The following CSNK1E variants were observed in gnomAD, a reference collection of about 807,000 sequenced individuals.
CSNK1E encodes casein kinase 1 epsilon.
In CSNK1E, 17 loss-of-function variants were observed where a neutral mutation model predicts 46.1. The ratio of observed to expected loss-of-function variants is 0.37; its 90% CI spans 0.25 to 0.55. The LOEUF (loss-of-function observed/expected upper bound fraction) is 0.55, where lower values mean the gene tolerates loss of function less well. Among genes scored for constraint, CSNK1E ranks in the 20% least tolerant of loss-of-function variants. The pLI, the probability that CSNK1E is intolerant of heterozygous loss-of-function variation, is 0.82. For synonymous variants in CSNK1E, 241 were observed against 242.6 expected (o/e 0.99, Z 0.06); for missense variants, 386 against 595.4 (o/e 0.65, Z 3.66).
In CSNK1E at chr22:38,300,875, C is replaced by T; in HGVS notation, c.414G>A (p.Leu138=). The T allele has an allele frequency of 6.2e-7, 1 of 1,614,220 alleles. No individual in the cohort carries two copies. The highest frequency in any genetic ancestry group is 8.5e-7 in the Non-Finnish European group (1 of 1,180,036). ...TGTAGACCAGGTTGCCCTTCTTCCC[C>T]AGCCCCATGAGGAAGTTGTCGGGCT... ...DVKPDNFLMG[L]GKKGNLVYII... The change falls in exon 5 of 11, where the codon CTG becomes CTA. Residue 138 remains leucine, a synonymous_variant. Coordinates refer to ENST00000396832, the MANE Select transcript of CSNK1E (RefSeq NM_152221.3). The surrounding 1 kb of genome is among the most constrained non-coding windows in gnomAD (Gnocchi z 4.4).
intron 2 of CSNK1E, among the ~76,000 whole-genome samples, chr22:38,310,970 G>GCC (rs1167056335): frequency 6.6e-6 from 1 of 152,216 alleles, no homozygotes; most frequent in Non-Finnish European, 1.5e-5. Flanking sequence ...CAAGACAGGG[G>GCC]CCCAGGAGGG....
chr22:38,306,461 G>A (rs192401881), intron 2 of CSNK1E, among the ~76,000 whole-genome samples: 3 of 152,260 alleles, frequency 2.0e-5, no homozygotes, highest in African/African-American at 4.8e-5. Context: ...GGCCGGGCGC[G>A]GTGGCTCACG....
At chr22:38,296,968 T>C in intron 7 of CSNK1E, 2 of 618,086 alleles carry the variant, frequency 3.2e-6, no homozygotes, top group South Asian at 3.8e-5. Flanking sequence ...AGAAATGGGT[T>C]TCACCATGTT....
chr22:38,302,162 G>A (rs2145837778), intron 4 of CSNK1E, among the ~76,000 whole-genome samples: 1 of 152,104 alleles, frequency 6.6e-6, no homozygotes, highest in East Asian at 1.9e-4. Flanking sequence ...TCACTGGTCT[G>A]GAACAGGACC....
rs2092663215 is a variant in CSNK1E at position 38,300,116 on chromosome 22, C to T, written c.566-51G>A. 1 of 1,564,464 alleles carries T rather than the reference C, an allele frequency of 6.4e-7. No individual in the cohort carries two copies. On this transcript the variant is annotated intron_variant, in intron 5 of 10. Transcript: ENST00000396832. This position sits in a 1 kb window ranked among gnomAD's most constrained non-coding sequence, Gnocchi z 4.4. Reference sequence around the variant, plus strand: ...GAGGGACAGGGGTCCACTCAGGCCCCTAACTCATCCTCTGGGTCATGCTCC... The same window carrying T: ...GAGGGACAGGGGTCCACTCAGGCCCTTAACTCATCCTCTGGGTCATGCTCC...
rs887352812 is a variant in CSNK1E at position 38,291,178 on chromosome 22, G to C, written c.*793C>G. The C allele has an allele frequency of 3.3e-5, 5 of 152,286 alleles. No homozygotes were observed. Among genetic ancestry groups the C allele is most frequent in the African/African-American group, 9.6e-5 (4 of 41,470 alleles). 9.4% of individuals were successfully genotyped at this position (152,286 alleles called of 1,614,324 possible). A position where few individuals can be genotyped will look rare whatever the true frequency, so the allele number is the denominator to read the frequency against. ...TGCCACCGGCTGATGACGGGCTAGG[G>C]GGGGACCGGTGGCAGCGAGGACCCT... is the stretch of plus-strand genomic sequence containing the variant. On this transcript the variant is annotated 3_prime_UTR_variant, in exon 11 of 11. Coordinates refer to ENST00000396832, the MANE Select transcript of CSNK1E (RefSeq NM_152221.3).
chr22:38,307,254 T>C (rs1364306628), intron 2 of CSNK1E, among the ~76,000 whole-genome samples: 4 of 152,122 alleles, frequency 2.6e-5, no homozygotes, highest in Non-Finnish European at 5.9e-5. Context: ...TTAGGTATTA[T>C]AAGTGATCTA....
chr22:38,294,497 C>T lies in CSNK1E; in HGVS notation c.923G>A (p.Arg308Gln), dbSNP rs756966866. Residue 308 changes from arginine (R) to glutamine (Q), a missense_variant, in exon 8 of 11, where the codon CGG (arginine) becomes CAG (glutamine). By Grantham distance (43) the Arg-to-Gln change is conservative. This residue lies in a region of CSNK1E where 174 missense variants were observed against 185.2 expected (regional missense o/e 0.94). Coordinates refer to ENST00000396832, the MANE Select transcript of CSNK1E (RefSeq NM_152221.3). This position sits in a 1 kb window ranked among gnomAD's most constrained non-coding sequence, Gnocchi z 5.5. ...CCTCTCCTCGCGTTCGTGTTCTCGC[C>T]GCTCCCGGTCCACATCCTCGGGATT... ...ARNPEDVDRE[R>Q]REHEREERMG... The T allele has an allele frequency of 6.9e-6, 11 of 1,595,536 alleles. No individual in the cohort carries two copies. The highest frequency in any genetic ancestry group is 2.3e-5 in the East Asian group (1 of 43,496).
intron 9 of CSNK1E, 27 bp from the exon 10 acceptor site, chr22:38,293,346 G>A: frequency 1.4e-6 from 2 of 1,470,818 alleles, no homozygotes; most frequent in Non-Finnish European, 1.9e-6. Context: ...GGGAGAGAGG[G>A]GGAGGGAGAG....
At chr22:38,306,943 G>C (rs1463196663) in intron 2 of CSNK1E, among the ~76,000 whole-genome samples, 1 of 152,206 alleles carries the variant, frequency 6.6e-6, no homozygotes, top group Non-Finnish European at 1.5e-5. Flanking sequence ...GGGAGGCTGA[G>C]GAGGATTACT....
At chr22:38,297,594 C>T in intron 7 of CSNK1E, 1 of 998,578 alleles carries the variant, frequency 1.0e-6, no homozygotes, top group Non-Finnish European at 1.2e-6. Flanking sequence ...GAAAGAGGCA[C>T]ACCAGGATGA....
At chr22:38,310,433 T>G (rs1016860633) in intron 2 of CSNK1E, among the ~76,000 whole-genome samples, 3 of 151,974 alleles carry the variant, frequency 2.0e-5, no homozygotes, top group Non-Finnish European at 4.4e-5. Context: ...GGGACATGGG[T>G]GGACTGGAGG....
intron 10 of CSNK1E, chr22:38,292,933 A>G (rs958462766): frequency 1.3e-5 from 5 of 377,946 alleles, no homozygotes; most frequent in African/African-American, 8.5e-5. Context: ...GTGTGAGCCC[A>G]TGGCCCCGTC....
chr22:38,294,554 G>A lies in CSNK1E; in HGVS notation c.886-20C>T. The A allele has an allele frequency of 1.3e-6, 2 of 1,565,232 alleles. No individual in the cohort carries two copies. The highest frequency in any genetic ancestry group is 1.7e-6 in the Non-Finnish European group (2 of 1,157,762). ...TGCACCCTGCAGGGATGCAAGAAAA[G>A]ACACCAGTCAGCCCCAGAGGCCAGG... On this transcript the variant is annotated intron_variant, in intron 7 of 10. Coordinates refer to ENST00000396832, the MANE Select transcript of CSNK1E (RefSeq NM_152221.3). This position sits in a 1 kb window ranked among gnomAD's most constrained non-coding sequence, Gnocchi z 5.5.
At chr22:38,317,759 T>C (rs1033598371), upstream of CSNK1E, among the ~76,000 whole-genome samples, 3 of 152,006 alleles carry the variant, frequency 2.0e-5, no homozygotes, top group Admixed American at 1.3e-4. Flanking sequence ...AAGTCTCCTC[T>C]CCCCGCCTGC....
intron 9 of CSNK1E, among the ~76,000 whole-genome samples, chr22:38,293,739 T>C (rs569322488): frequency 1.3e-5 from 2 of 152,008 alleles, no homozygotes; most frequent in Non-Finnish European, 2.9e-5. Context: ...TCACTGCCCC[T>C]ACACCCCATG....
At chr22:38,314,895 A>T (rs2092737133) in intron 1 of CSNK1E, among the ~76,000 whole-genome samples, 1 of 151,716 alleles carries the variant, frequency 6.6e-6, no homozygotes, top group Non-Finnish European at 1.5e-5. Context: ...GGGGCAGAGG[A>T]GGGACCCCTC....
chr22:38,304,231 CAGGAG>C, intron 2 of CSNK1E, among the ~76,000 whole-genome samples: 1 of 152,224 alleles, frequency 6.6e-6, no homozygotes, highest in South Asian at 2.1e-4. Flanking sequence ...GACACAGCCT[CAGGAG>C]GAGTTCAAGA....
intron 2 of CSNK1E, among the ~76,000 whole-genome samples, chr22:38,306,165 T>C (rs1339559342): frequency 1.3e-5 from 2 of 152,190 alleles, no homozygotes. Flanking sequence ...ACACTCTCAT[T>C]TCAGTTTTCT....
Sources: allele counts gnomAD v4.1 joint callset (sites outside exome capture counted in the v4.1 genomes callset), GRCh38; gene constraint gnomAD v4.1.1; regional missense constraint gnomAD v4.1.1; non-coding constraint Gnocchi (gnomAD v3.1); transcripts MANE v1.5; gene names NCBI Gene and HGNC (gene_info 2026-07-23, HGNC 2026-07-21).